TMEM161A: variants seen among roughly 807,000 people sequenced by gnomAD.
TMEM161A encodes transmembrane protein 161A.
In TMEM161A, 46 loss-of-function variants were observed where a neutral mutation model predicts 57.1. The observed-to-expected ratio is 0.81, with a 90% CI of 0.64 to 1.03. TMEM161A has a LOEUF of 1.03. Among genes scored for constraint, TMEM161A ranks in the 50% least tolerant of loss-of-function variants. The probability of loss-of-function intolerance (pLI) is 0.00; values close to 1 mark genes in which losing one functional copy is unlikely to be tolerated. For synonymous variants in TMEM161A, 288 were observed against 279.0 expected (o/e 1.03, Z -0.32); for missense variants, 601 against 621.5 (o/e 0.97, Z 0.35).
intron 1 of TMEM161A, among the ~76,000 whole-genome samples, chr19:19,137,362 G>T (rs2146341827): frequency 6.6e-6 from 1 of 152,266 alleles, no homozygotes; most frequent in Non-Finnish European, 1.5e-5. Flanking sequence ...GGAAAAGGTG[G>T]TGGAGGGGTG....
rs2059898385 is a variant in TMEM161A at position 19,119,840 on chromosome 19, TG to T, written c.*89del. 1.4e-6 allele frequency: 2 copies of T among 1,462,842 alleles called. No homozygotes were observed. Among genetic ancestry groups the T allele is most frequent in the Non-Finnish European group, 9.2e-7 (1 of 1,091,796 alleles). 90.6% of individuals were successfully genotyped at this position (1,462,842 alleles called of 1,614,324 possible). A position where few individuals can be genotyped will look rare whatever the true frequency, so the allele number is the denominator to read the frequency against. ...GGGGAGTCCGGCCCCACCTTGCAGC[TG>T]GGGACACGGGGGCGCAAACAGAGGG... On this transcript the variant is annotated 3_prime_UTR_variant, in exon 12 of 12. Coordinates refer to ENST00000162044, the MANE Select transcript of TMEM161A (RefSeq NM_017814.3).
In TMEM161A at chr19:19,133,112, G is replaced by A. The variant is rs1261698824; in HGVS notation, c.188+18C>T. 2.5e-6 allele frequency: 4 copies of A among 1,611,342 alleles called. No homozygotes were observed. The highest frequency in any genetic ancestry group is 3.4e-6 in the Non-Finnish European group (4 of 1,178,318). On this transcript the variant is annotated intron_variant, in intron 3 of 11. Transcript: ENST00000162044. ...GAGCCACCCTCCCAAGGCTGGGGCTGGGGCCCAGGTCACTCACCGCTCTTT... is the reference window on the plus strand; with the variant it reads ...GAGCCACCCTCCCAAGGCTGGGGCTAGGGCCCAGGTCACTCACCGCTCTTT...
chr19:19,122,107 A>G (rs1330000278), intron 6 of TMEM161A, among the ~76,000 whole-genome samples: 2 of 152,118 alleles, frequency 1.3e-5, no homozygotes, highest in Non-Finnish European at 2.9e-5. Flanking sequence ...AGCCTGGCCA[A>G]TGCAGTGAAA....
chr19:19,133,308 T>C, intron 2 of TMEM161A, 98 bp from the exon 3 acceptor site: 1 of 1,097,668 alleles, frequency 9.1e-7, no homozygotes, highest in South Asian at 1.4e-5. Flanking sequence ...GAGGGTAGCC[T>C]AGGCCAGGGG....
intron 1 of TMEM161A, among the ~76,000 whole-genome samples, chr19:19,137,892 C>T (rs2059991400): frequency 6.6e-6 from 1 of 152,204 alleles, no homozygotes; most frequent in South Asian, 2.1e-4. Flanking sequence ...TCCAACTTTC[C>T]TGTCTCCCAC....
At position 19,125,445 on chromosome 19, in the gene TMEM161A, G is replaced by A. The variant is rs535225438; in HGVS notation, c.596-3626C>T. 2.6e-5 allele frequency among the ~76,000 whole-genome samples: 4 copies of A among 152,110 alleles called. No individual in the cohort carries two copies. In the South Asian group the frequency reaches 8.3e-4, roughly 32 times the overall value. On this transcript the variant is annotated intron_variant, in intron 6 of 11. Transcript: ENST00000162044. ...GGCTCACTGCAACCTCTGCCTCCGG[G>A]GTTCAAGTGATTCTCCTGCCTCAGC...
At chr19:19,120,320 C>T (rs2059902444) in intron 11 of TMEM161A, 137 bp from the exon 12 acceptor site, 1 of 805,392 alleles carries the variant, frequency 1.2e-6, no homozygotes, top group East Asian at 2.7e-5. Context: ...GCCCAGTCTC[C>T]ACCCCCTCAG....
chr19:19,121,037 C>T lies in TMEM161A; in HGVS notation c.1044G>A (p.Leu348=), dbSNP rs779641944. 4 of 1,611,118 alleles carry T rather than the reference C, an allele frequency of 2.5e-6. No homozygotes were observed. Among genetic ancestry groups the T allele is most frequent in the Non-Finnish European group, 3.4e-6 (4 of 1,178,864 alleles). The change falls in exon 10 of 12, where the codon CTG becomes CTA. Residue 348 remains leucine, a synonymous_variant. Coordinates refer to ENST00000162044, the MANE Select transcript of TMEM161A (RefSeq NM_017814.3). This position sits in a 1 kb window ranked among gnomAD's most constrained non-coding sequence, Gnocchi z 5.8. ...CTTCGATGCGGCCAGCCTCCCTTCG[C>T]AGCTGCTCCACCCGGGCCTTGGCCA... ...LCLAKARVEQ[L]RREAGRIEAR... is the part of the protein sequence containing the mutation.
chr19:19,137,228 C>T (rs1343832901), intron 1 of TMEM161A, among the ~76,000 whole-genome samples: 2 of 152,166 alleles, frequency 1.3e-5, no homozygotes, highest in African/African-American at 2.4e-5. Flanking sequence ...GACCATCCCT[C>T]CACCTCCCCA....
chr19:19,127,317 T>A (rs1445223659), intron 6 of TMEM161A, among the ~76,000 whole-genome samples: 4 of 3,540 alleles, frequency 1.1e-3, no homozygotes, highest in Admixed American at 3.1e-3. Flanking sequence ...GTGTTCAGTC[T>A]TTTTTTTTTT....
Position 19,121,579 on chromosome 19 carries a change from A to T in TMEM161A, c.746T>A (p.Leu249Gln), listed in dbSNP as rs1473781407. The T allele has an allele frequency of 1.9e-6, 3 of 1,613,882 alleles. No individual in the cohort carries two copies. In the Admixed American group the frequency reaches 5.0e-5, roughly 27 times the overall value. Residue 249 changes from leucine (L) to glutamine (Q), a missense_variant, in exon 8 of 12, where the codon CTG becomes CAG. By Grantham distance (113) the Leu-to-Gln change is moderately radical. Transcript: ENST00000162044. This position sits in a 1 kb window ranked among gnomAD's most constrained non-coding sequence, Gnocchi z 5.8. ...GAFLTFPGLR[L>Q]AQTHRDALTM... ...CAGTGCGTCCCGGTGGGTCTGGGCC[A>T]GCCGCAGGCCTGGGAAGGTGAGGAA...
rs1378286632 is a variant in TMEM161A, at chr19:19,121,725, G to A, written c.656+34C>T. On this transcript the variant is annotated intron_variant, in intron 7 of 11. Coordinates refer to ENST00000162044, the MANE Select transcript of TMEM161A (RefSeq NM_017814.3). The surrounding 1 kb of genome is among the most constrained non-coding windows in gnomAD (Gnocchi z 5.8). ...GGGGACCCTGGGAGGGTCCCAGCCT[G>A]CCCTTGCCTCCCTCCCCCATTCCCA... The A allele has an allele frequency of 6.2e-7, 1 of 1,613,636 alleles. No individual in the cohort carries two copies. The highest frequency in any genetic ancestry group is 2.2e-5 in the East Asian group (1 of 44,858).
chr19:19,120,100 C>T lies in TMEM161A; in HGVS notation c.1270G>A (p.Glu424Lys). The change falls in exon 12 of 12, where the codon GAG (glutamate) becomes AAG (lysine). Residue 424 changes from glutamate to lysine, a missense_variant. Transcript: ENST00000162044. ...GCTGCAGTCTGCTGGACTTCGTCCT[C>T]CCCAGAGCCGATGGGGGCAGCGCTG... ...SASAAPIGSGEDEVQQTAARI... is the reference protein window; with the variant it reads ...SASAAPIGSGKDEVQQTAARI... 1.3e-6 allele frequency: 2 copies of T among 1,578,020 alleles called. No homozygotes were observed. Among genetic ancestry groups the T allele is most frequent in the Non-Finnish European group, 1.7e-6 (2 of 1,162,316 alleles).
intron 6 of TMEM161A, among the ~76,000 whole-genome samples, chr19:19,129,608 T>A (rs557838071): frequency 1.4e-4 from 21 of 151,878 alleles, no homozygotes; most frequent in South Asian, 6.3e-4. Flanking sequence ...AATAATTTTT[T>A]AAAAAAATGA....
intron 6 of TMEM161A, among the ~76,000 whole-genome samples, chr19:19,122,111 AG>A (rs2059913867): frequency 6.6e-6 from 1 of 151,884 alleles, no homozygotes; most frequent in South Asian, 2.1e-4. Context: ...TGGCCAATGC[AG>A]TGAAACCCCC....
Position 19,119,249 on chromosome 19 carries a change from G to A in TMEM161A, c.*681C>T, listed in dbSNP as rs1471036423. 1.3e-5 allele frequency: 2 copies of A among 150,024 alleles called. No individual in the cohort carries two copies. Among genetic ancestry groups the A allele is most frequent in the Non-Finnish European group, 2.9e-5 (2 of 67,944 alleles). 9.3% of individuals were successfully genotyped at this position (150,024 alleles called of 1,614,324 possible). A position where few individuals can be genotyped will look rare whatever the true frequency, so the allele number is the denominator to read the frequency against. On this transcript the variant is annotated 3_prime_UTR_variant, in exon 12 of 12. Transcript: ENST00000162044. The stretch of plus-strand genomic sequence containing the variant: ...TGCAGCCTCCACCTCTCAGGTTCAA[G>A]CGACTCTTCTGGCTCATCCTTCTCA...
rs1166762510 is a variant in TMEM161A, at chr19:19,120,854, C to A, written c.1097G>T (p.Arg366Leu). 1 of 1,613,380 alleles carries A rather than the reference C, an allele frequency of 6.2e-7. No individual in the cohort carries two copies. Among genetic ancestry groups the A allele is most frequent in the Non-Finnish European group, 8.5e-7 (1 of 1,180,022 alleles). The change falls in exon 11 of 12, where the codon CGA (arginine) becomes CTA (leucine). Residue 366 changes from arginine to leucine, a missense_variant. Transcript: ENST00000162044. ...CACCACGGTCACATAGCAGTAGACT[C>A]GGACCACCTGTGGGCAGGTAGCAGG... is the stretch of plus-strand genomic sequence containing the variant. ...EAREIQQRVV[R>L]VYCYVTVVSL...
At chr19:19,128,459 T>G (rs2059941865) in intron 6 of TMEM161A, among the ~76,000 whole-genome samples, 1 of 151,676 alleles carries the variant, frequency 6.6e-6, no homozygotes, top group Non-Finnish European at 1.5e-5. Context: ...CTTGATCTCC[T>G]GACCTTGTGA....
At chr19:19,137,924 G>A (rs1320615644) in intron 1 of TMEM161A, among the ~76,000 whole-genome samples, 1 of 152,134 alleles carries the variant, frequency 6.6e-6, no homozygotes, top group Non-Finnish European at 1.5e-5. Flanking sequence ...TGCCCGCCCT[G>A]AGGCCAACCA....
Sources: gnomAD v4.1 joint callset for allele counts (sites outside exome capture counted in the v4.1 genomes callset) on GRCh38, gnomAD v4.1.1 for gene constraint, Gnocchi (gnomAD v3.1) non-coding constraint, MANE v1.5 for transcripts, NCBI Gene and HGNC (gene_info 2026-07-23, HGNC 2026-07-21) for gene names.